The following MRC2 variants were observed in gnomAD, a reference collection of about 807,000 sequenced individuals.
MRC2 encodes the protein C-type mannose receptor 2.
In MRC2, 84 loss-of-function variants were observed where a neutral mutation model predicts 206.2. The ratio of observed to expected loss-of-function variants is 0.41; its 90% confidence interval spans 0.34 to 0.49. The LOEUF is 0.49. Among genes scored for constraint, MRC2 ranks in the 20% least tolerant of loss-of-function variants. The probability of loss-of-function intolerance (pLI) is 0.31; values close to 1 mark genes in which losing one functional copy is unlikely to be tolerated. For missense variants in MRC2, 1,676 were observed against 2,001.5 expected (o/e 0.84, Z 3.10); for synonymous variants, 798 against 800.0 (o/e 1.00, Z 0.04).
At chr17:62,679,186 C>T (rs1197763286) in intron 13 of MRC2, among the ~76,000 whole-genome samples, 1 of 152,214 alleles carries the variant, frequency 6.6e-6, no homozygotes, top group Non-Finnish European at 1.5e-5. Context: ...TGGATCTGGG[C>T]TTCCTGATAG....
rs1259190759 is a variant in MRC2 at position 62,688,968 on chromosome 17, T to C, written c.3334+8T>C. ...TCTGCCAGAAGGGCACGGGTATGTG[T>C]CACCAGTCACCTGGGAAACCCCAGT... is the stretch of plus-strand genomic sequence containing the variant. On this transcript the variant is annotated splice_region_variant and intron_variant, in intron 23 of 29. Coordinates refer to ENST00000303375, the MANE Select transcript of MRC2 (RefSeq NM_006039.5). 3.1e-6 allele frequency: 5 copies of C among 1,609,972 alleles called. No individual in the cohort carries two copies. Among genetic ancestry groups the C allele is most frequent in the Non-Finnish European group, 3.4e-6 (4 of 1,177,520 alleles).
intron 1 of MRC2, among the ~76,000 whole-genome samples, chr17:62,631,154 C>T (rs2084212602): frequency 6.6e-6 from 1 of 152,126 alleles, no homozygotes; most frequent in Admixed American, 6.6e-5. Context: ...CCATGCAGTT[C>T]TCAGGCAGAT....
chr17:62,680,261 C>G lies in MRC2; in HGVS notation c.2390C>G (p.Ala797Gly). ...GACCTGGCCTCCCTGCAGTGGGTGGCCATGCAGTGCGACACACAGCTGGAC... is the reference window on the plus strand; with the variant it reads ...GACCTGGCCTCCCTGCAGTGGGTGGGCATGCAGTGCGACACACAGCTGGAC... ...VLDLASLQWVAMQCDTQLDWI... is the reference protein window; with the variant it reads ...VLDLASLQWVGMQCDTQLDWI... Residue 797 changes from alanine to glycine, a missense_variant, in exon 15 of 30, where the codon GCC (alanine) becomes GGC (glycine). Around this residue, in one of 3 missense-constraint regions of MRC2, gnomAD observed 1,354 missense variants for 1,636.6 expected, o/e 0.83. Coordinates refer to ENST00000303375, the MANE Select transcript of MRC2 (RefSeq NM_006039.5). The surrounding 1 kb of genome is among the most constrained non-coding windows in gnomAD (Gnocchi z 4.8). The G allele has an allele frequency of 6.2e-7, 1 of 1,614,044 alleles. No homozygotes were observed.
At chr17:62,669,122 AC>A (rs2088794216) in intron 6 of MRC2, among the ~76,000 whole-genome samples, 1 of 149,090 alleles carries the variant, frequency 6.7e-6, no homozygotes, top group Non-Finnish European at 1.5e-5. Flanking sequence ...ACACACACAC[AC>A]ACAACACTAA....
Position 62,671,728 on chromosome 17 carries a change from G to T in MRC2, c.1197G>T (p.Glu399Asp). ...GCCACTGCTACCGCCTGCAGGCCGA[G>T]AAGCGCAGCTGGCAGGAGTCCAAGA... ...FQGHCYRLQA[E>D]KRSWQESKKA... Residue 399 changes from glutamate (E) to aspartate (D), a missense_variant, in exon 7 of 30, where the codon GAG becomes GAT. Physicochemically the swap from Glu to Asp is conservative, Grantham distance 45. Transcript: ENST00000303375. The surrounding 1 kb of genome is among the most constrained non-coding windows in gnomAD (Gnocchi z 4.5). 6.2e-7 allele frequency: 1 copy of T among 1,613,236 alleles called. No individual in the cohort carries two copies. The highest frequency in any genetic ancestry group is 1.1e-5 in the South Asian group (1 of 90,970).
intron 1 of MRC2, among the ~76,000 whole-genome samples, chr17:62,649,968 C>T (rs2088536445): frequency 6.6e-6 from 1 of 150,926 alleles, no homozygotes; most frequent in African/African-American, 2.4e-5. Flanking sequence ...TATCTCGGCT[C>T]ACTGCAACCT....
In MRC2 at chr17:62,692,088, C is replaced by T. The variant is rs2089118564; in HGVS notation, c.4193-24C>T. 6.2e-7 allele frequency: 1 copy of T among 1,614,048 alleles called. No individual in the cohort carries two copies. Among genetic ancestry groups the T allele is most frequent in the Non-Finnish European group, 8.5e-7 (1 of 1,180,018 alleles). ...TTACGATGATCACTGCTATTATTAACTGGCCCCCTCCTCTTGCCCACAGCT... is the reference window on the plus strand; with the variant it reads ...TTACGATGATCACTGCTATTATTAATTGGCCCCCTCCTCTTGCCCACAGCT... On this transcript the variant is annotated intron_variant, in intron 28 of 29. Transcript: ENST00000303375. This position sits in a 1 kb window ranked among gnomAD's most constrained non-coding sequence, Gnocchi z 4.2.
intron 8 of MRC2, among the ~76,000 whole-genome samples, chr17:62,673,394 A>T (rs1161051258): frequency 1.3e-5 from 2 of 152,098 alleles, no homozygotes; most frequent in Admixed American, 6.6e-5. Flanking sequence ...CACTAGCTAG[A>T]CGCCTTGGGA....
Position 62,692,493 on chromosome 17 carries a change from A to G in MRC2, c.*42A>G. 2.0e-6 allele frequency: 3 copies of G among 1,526,878 alleles called. No homozygotes were observed. The highest frequency in any genetic ancestry group is 2.7e-6 in the Non-Finnish European group (3 of 1,130,112). 94.6% of individuals were successfully genotyped at this position (1,526,878 alleles called of 1,614,324 possible). On this transcript the variant is annotated 3_prime_UTR_variant, in exon 30 of 30. Coordinates refer to ENST00000303375, the MANE Select transcript of MRC2 (RefSeq NM_006039.5). The surrounding 1 kb of genome is among the most constrained non-coding windows in gnomAD (Gnocchi z 4.2). ...AGGGCCAGGGCGGGAGGAGCTGGGG[A>G]GCTGGGGCCCTGGGTCAGTCTGGCC...
chr17:62,677,520 G>A, intron 12 of MRC2, 34 bp downstream of exon 12: 1 of 1,546,806 alleles, frequency 6.5e-7, no homozygotes, highest in Non-Finnish European at 8.8e-7. Flanking sequence ...AGGGGGCAGG[G>A]GGAGGACAGG....
At chr17:62,647,186 C>CTTT (rs34733419) in intron 1 of MRC2, among the ~76,000 whole-genome samples, 8 of 136,354 alleles carry the variant, frequency 5.9e-5, no homozygotes, top group South Asian at 2.3e-4. Context: ...TTTTCTTTTT[C>CTTT]TTTTTTTTTT....
At chr17:62,688,818 G>A (rs1446841681) in intron 22 of MRC2, 34 bp from the exon 23 acceptor site, 1 of 1,587,196 alleles carries the variant, frequency 6.3e-7, no homozygotes, top group Admixed American at 1.7e-5. Context: ...GGAGGCAGCT[G>A]CTGGGGCTCC....
intron 1 of MRC2, among the ~76,000 whole-genome samples, chr17:62,644,660 C>T (rs1302552650): frequency 6.6e-6 from 1 of 152,172 alleles, no homozygotes; most frequent in Non-Finnish European, 1.5e-5. Flanking sequence ...TTCCCAGTAC[C>T]GTCCTGTAAT....
rs746747376 is a variant in MRC2 at position 62,667,533 on chromosome 17, G to A, written c.1117G>A (p.Asp373Asn). 1.2e-6 allele frequency: 2 copies of A among 1,609,504 alleles called. No individual in the cohort carries two copies. Among genetic ancestry groups the A allele is most frequent in the South Asian group, 2.2e-5 (2 of 90,788 alleles). Residue 373 changes from aspartate (D) to asparagine (N), a missense_variant and splice_region_variant, in exon 6 of 30, where the codon GAC becomes AAC. This residue lies in a region of MRC2 where 1,354 missense variants were observed against 1,636.6 expected (regional missense o/e 0.83). Transcript: ENST00000303375. The surrounding 1 kb of genome is among the most constrained non-coding windows in gnomAD (Gnocchi z 4.1). ...PNATAEPTPPDRWANVKVECE... is the reference protein window; with the variant it reads ...PNATAEPTPPNRWANVKVECE... Reference sequence around the variant, plus strand: ...CGCCACGGCCGAGCCCACCCCTCCAGGTGAGCCAGGGACTGTGCCGCAGGG... The same window carrying A: ...CGCCACGGCCGAGCCCACCCCTCCAAGTGAGCCAGGGACTGTGCCGCAGGG...
Position 62,680,801 on chromosome 17 carries a change from C to G in MRC2, c.2475C>G (p.Gly825=). The change falls in exon 17 of 30, where the codon GGC becomes GGG. Residue 825 remains glycine, a splice_region_variant and synonymous_variant. Transcript: ENST00000303375. The surrounding 1 kb of genome is among the most constrained non-coding windows in gnomAD (Gnocchi z 4.8). ...DVREPDDSPQ[G]RREWLRFQEA... Reference sequence around the variant, plus strand: ...CCCACGCCCGCGCTGCTCCTGCAGGCCGACGGGAATGGCTGCGCTTCCAGG... The same window carrying G: ...CCCACGCCCGCGCTGCTCCTGCAGGGCGACGGGAATGGCTGCGCTTCCAGG... 1 of 1,608,444 alleles carries G rather than the reference C, an allele frequency of 6.2e-7. No homozygotes were observed. The highest frequency in any genetic ancestry group is 8.5e-7 in the Non-Finnish European group (1 of 1,177,784).
At chr17:62,647,499 A>G (rs1308547024) in intron 1 of MRC2, among the ~76,000 whole-genome samples, 1 of 152,138 alleles carries the variant, frequency 6.6e-6, no homozygotes, top group Admixed American at 6.5e-5. Flanking sequence ...TTGCTTTAAA[A>G]AAAAAATCAG....
chr17:62,662,065 T>A (rs2088687471), intron 1 of MRC2, among the ~76,000 whole-genome samples: 1 of 151,988 alleles, frequency 6.6e-6, no homozygotes, highest in African/African-American at 2.4e-5. Flanking sequence ...CTGGGCAACA[T>A]GGAGAAACAC....
intron 1 of MRC2, among the ~76,000 whole-genome samples, chr17:62,649,727 G>A (rs1348307385): frequency 2.6e-5 from 4 of 152,004 alleles, no homozygotes; most frequent in African/African-American, 9.7e-5. Context: ...GTCATATTGT[G>A]CTGTGCTTCA....
At chr17:62,668,665 TCTGCAGGGTCTTGG>T (rs1317884790) in intron 6 of MRC2, among the ~76,000 whole-genome samples, 3 of 152,164 alleles carry the variant, frequency 2.0e-5, no homozygotes, top group Non-Finnish European at 4.4e-5. Context: ...GCAGCCAGTC[TCTGCAGGGTCTTGG>T]CTGCTGGGCC....
Sources: gnomAD v4.1 joint callset for allele counts (sites outside exome capture counted in the v4.1 genomes callset) on GRCh38, gnomAD v4.1.1 for gene constraint, gnomAD v4.1.1 regional missense constraint, Gnocchi (gnomAD v3.1) non-coding constraint, MANE v1.5 for transcripts, NCBI Gene and HGNC (gene_info 2026-07-23, HGNC 2026-07-21) for gene names.